LNPEP: variants seen among roughly 807,000 people sequenced by gnomAD.
LNPEP encodes the protein leucyl-cystinyl aminopeptidase.
A neutral mutation model predicts 120.6 loss-of-function variants in LNPEP; 64 were observed. The ratio of observed to expected loss-of-function variants is 0.53; its 90% CI spans 0.43 to 0.65. The LOEUF (loss-of-function observed/expected upper bound fraction) is 0.65. Among genes scored for constraint, LNPEP ranks in the 30% least tolerant of loss-of-function variants. The pLI, the probability that LNPEP is intolerant of heterozygous loss-of-function variation, is 0.00. For missense variants in LNPEP, 1,057 were observed against 1,200.0 expected, an observed-to-expected ratio of 0.88 and a Z score of 1.76; for synonymous variants, 435 against 425.4, an observed-to-expected ratio of 1.02 and a Z score of -0.28.
intron 1 of LNPEP, among the ~76,000 whole-genome samples, chr5:96,939,928 T>A (rs1423873959): frequency 1.3e-5 from 2 of 152,210 alleles, no homozygotes; most frequent in African/African-American, 4.8e-5. Flanking sequence ...ACATTTTGTT[T>A]TTATTTTTCT....
intron 8 of LNPEP, among the ~76,000 whole-genome samples, chr5:97,001,082 T>C (rs759312742): frequency 4.6e-5 from 7 of 152,178 alleles, no homozygotes; most frequent in Non-Finnish European, 1.0e-4. Flanking sequence ...AGCAATTTGA[T>C]CAGGAAAGTA....
intron 1 of LNPEP, among the ~76,000 whole-genome samples, chr5:96,939,439 T>G (rs1789000767): frequency 6.6e-6 from 1 of 152,072 alleles, no homozygotes; most frequent in Non-Finnish European, 1.5e-5. Context: ...ACTCCTGACC[T>G]CAAGTGATCC....
At chr5:96,948,582 A>G (rs1256468826) in intron 1 of LNPEP, among the ~76,000 whole-genome samples, 1 of 152,218 alleles carries the variant, frequency 6.6e-6, no homozygotes, top group Non-Finnish European at 1.5e-5. Context: ...CCTTTACTGT[A>G]TGCTACCTTG....
chr5:96,960,737 T>G (rs1789582169), intron 1 of LNPEP, among the ~76,000 whole-genome samples: 2 of 152,200 alleles, frequency 1.3e-5, no homozygotes, highest in Admixed American at 6.5e-5. Flanking sequence ...AACTTTTCTA[T>G]TAGAAATTAT....
rs796584867 is a variant in LNPEP at position 96,954,749 on chromosome 5, C to T, written c.19+18575C>T. ...ATATATATATACATATATATATACA[C>T]ATATATATATATATATATATATATT... On this transcript the variant is annotated intron_variant, in intron 1 of 17. Coordinates refer to ENST00000231368, the MANE Select transcript of LNPEP (RefSeq NM_005575.3). 2.6e-3 allele frequency among the ~76,000 whole-genome samples: 63 copies of T among 24,198 alleles called. 7 individuals are homozygous for T. The highest frequency in any genetic ancestry group is 0.019 in the Admixed American group (37 of 1,982). 15.9% of individuals were successfully genotyped at this position (24,198 alleles called of 152,430 possible).
At chr5:96,995,648 C>T (rs575051371) in intron 6 of LNPEP, among the ~76,000 whole-genome samples, 2 of 152,140 alleles carry the variant, frequency 1.3e-5, no homozygotes, top group East Asian at 3.9e-4. Context: ...CCCGCCTCAT[C>T]CTCCCGAGTA....
At chr5:97,025,445 C>T (rs1480281085) in intron 15 of LNPEP, among the ~76,000 whole-genome samples, 1 of 152,188 alleles carries the variant, frequency 6.6e-6, no homozygotes, top group Admixed American at 6.5e-5. Flanking sequence ...ATTAGCCAGC[C>T]TCTGACTTAA....
In LNPEP at chr5:97,015,012, A is replaced by T; in HGVS notation, c.2293A>T (p.Ile765Phe). 1 of 1,604,878 alleles carries T rather than the reference A, an allele frequency of 6.2e-7. No homozygotes were observed. Among genetic ancestry groups the T allele is most frequent in the South Asian group, 1.1e-5 (1 of 88,806 alleles). Reference sequence around the variant, plus strand: ...TGGAAATGAGAACCATACTGCACCCATCACCGAAGCCCTGTTTCAGACAGA... The same window carrying T: ...TGGAAATGAGAACCATACTGCACCCTTCACCGAAGCCCTGTTTCAGACAGA... ...YLGNENHTAP[I>F]TEALFQTDLI... is the part of the protein sequence containing the mutation. The change falls in exon 13 of 18, where the codon ATC (isoleucine) becomes TTC (phenylalanine). Residue 765 changes from isoleucine to phenylalanine, a missense_variant. Coordinates refer to ENST00000231368, the MANE Select transcript of LNPEP (RefSeq NM_005575.3).
chr5:96,984,978 T>A (rs1222562084), intron 2 of LNPEP, 102 bp from the exon 3 acceptor site: 4 of 1,257,842 alleles, frequency 3.2e-6, no homozygotes, highest in Non-Finnish European at 4.5e-6. Flanking sequence ...TGCAGATCCT[T>A]TAGTAACTAG....
chr5:96,994,647 G>T (rs1223191492), intron 6 of LNPEP, among the ~76,000 whole-genome samples: 2 of 152,088 alleles, frequency 1.3e-5, no homozygotes, highest in Non-Finnish European at 2.9e-5. Context: ...CCTAGATGAG[G>T]TGCTTAACTA....
rs757072261 is a variant in LNPEP at position 97,024,609 on chromosome 5, A to G, written c.2650A>G (p.Ile884Val). The G allele has an allele frequency of 1.4e-5, 23 of 1,613,984 alleles. 1 individual carries two copies. The South Asian group carries it at 2.3e-4, about 16-fold the overall frequency. Residue 884 changes from isoleucine to valine, a missense_variant, in exon 15 of 18, where the codon ATA (isoleucine) becomes GTA (valine). By Grantham distance (29) the Ile-to-Val change is conservative. Transcript: ENST00000231368. Reference protein sequence around the residue: ...WSFLLGKYISIGSEAEKNKIL... With the variant: ...WSFLLGKYISVGSEAEKNKIL... ...ATTCCTTTTGGGCAAATACATTTCT[A>G]TAGGCTCTGAAGCAGAGAAGAACAA...
intron 3 of LNPEP, among the ~76,000 whole-genome samples, chr5:96,985,424 C>A (rs1320559411): frequency 6.6e-6 from 1 of 152,090 alleles, no homozygotes; most frequent in Non-Finnish European, 1.5e-5. Context: ...AGAGAAAGAC[C>A]TGCTGGACTT....
intron 1 of LNPEP, among the ~76,000 whole-genome samples, chr5:96,938,841 C>G (rs1257395436): frequency 6.6e-6 from 1 of 152,142 alleles, no homozygotes; most frequent in African/African-American, 2.4e-5. Flanking sequence ...GTCTGGACAT[C>G]TGGTCTGGGT....
chr5:96,961,430 G>C (rs1308551396), intron 1 of LNPEP, among the ~76,000 whole-genome samples: 1 of 152,024 alleles, frequency 6.6e-6, no homozygotes, highest in Non-Finnish European at 1.5e-5. Flanking sequence ...TTACTAACTA[G>C]CTGAGTATCT....
At chr5:96,939,226 T>C (rs1788994172) in intron 1 of LNPEP, among the ~76,000 whole-genome samples, 1 of 151,276 alleles carries the variant, frequency 6.6e-6, no homozygotes, top group South Asian at 2.1e-4. Context: ...CTTTTTTTTT[T>C]TTTTTGAGAC....
chr5:97,011,299 C>A, intron 11 of LNPEP: 1 of 583,918 alleles, frequency 1.7e-6, no homozygotes, highest in Non-Finnish European at 2.2e-6. Context: ...GATCATAGCT[C>A]ACTGCAGCCT....
chr5:96,966,535 T>G (rs1043918445), intron 1 of LNPEP, among the ~76,000 whole-genome samples: 2 of 150,532 alleles, frequency 1.3e-5, no homozygotes, highest in Non-Finnish European at 3.0e-5. Flanking sequence ...TGTGTGTGTG[T>G]GTGTGTGTGT....
intron 1 of LNPEP, among the ~76,000 whole-genome samples, chr5:96,964,874 G>A (rs963985907): frequency 1.3e-5 from 2 of 152,052 alleles, no homozygotes; most frequent in Non-Finnish European, 2.9e-5. Context: ...TATTTCTTTA[G>A]CATTTCATTT....
chr5:97,027,545 C>A (rs1021542841), intron 16 of LNPEP, among the ~76,000 whole-genome samples, 188 bp from the exon 17 acceptor site: 1 of 152,080 alleles, frequency 6.6e-6, no homozygotes, highest in Admixed American at 6.6e-5. Context: ...GAACTCTTCC[C>A]TTTTTCTGCC....
Sources: gnomAD v4.1 joint callset for allele counts (sites outside exome capture counted in the v4.1 genomes callset) on GRCh38, gnomAD v4.1.1 for gene constraint, MANE v1.5 for transcripts, NCBI Gene and HGNC (gene_info 2026-07-23, HGNC 2026-07-21) for gene names.